The following KCNIP4 variants were observed in gnomAD, a reference collection of about 807,000 sequenced individuals.
The protein encoded by KCNIP4 is Kv channel-interacting protein 4.
A neutral mutation model predicts 34.0 loss-of-function variants in KCNIP4; 12 were observed. The ratio of observed to expected loss-of-function variants is 0.35; its 90% CI spans 0.23 to 0.57. The LOEUF (loss-of-function observed/expected upper bound fraction) is 0.57, where lower values mean the gene tolerates loss of function less well. Ranked by LOEUF, KCNIP4 falls within the 20% of genes least tolerant of loss-of-function variation. The pLI is 0.83. For synonymous variants in KCNIP4, 124 were observed against 102.2 expected (o/e 1.21, Z -1.29); for missense variants, 238 against 311.7 (o/e 0.76, Z 1.78).
intron 3 of KCNIP4, among the ~76,000 whole-genome samples, chr4:20,835,483 G>A (rs1423502322): frequency 6.6e-6 from 1 of 151,936 alleles, no homozygotes; most frequent in Non-Finnish European, 1.5e-5. Context: ...ATTTCGTAGG[G>A]CTGCTAAGAG....
chr4:21,810,848 C>G (rs1304764699), intron 1 of KCNIP4, among the ~76,000 whole-genome samples: 1 of 151,998 alleles, frequency 6.6e-6, no homozygotes, highest in African/African-American at 2.4e-5. Context: ...ACATCAAACA[C>G]CAAAGACAAA....
chr4:20,898,261 C>T (rs190943663), intron 1 of KCNIP4, among the ~76,000 whole-genome samples: 19 of 152,202 alleles, frequency 1.2e-4, no homozygotes, highest in Non-Finnish European at 2.1e-4. Context: ...TTTTGGTCTT[C>T]GTAATCATGT....
intron 1 of KCNIP4, among the ~76,000 whole-genome samples, chr4:21,168,612 T>C (rs1753801211): frequency 6.6e-6 from 1 of 152,112 alleles, no homozygotes; most frequent in Non-Finnish European, 1.5e-5. Flanking sequence ...ATTTCCAAAA[T>C]TTTCAGAAAA....
At chr4:20,761,032 TAAGTA>T (rs1754915658) in intron 3 of KCNIP4, among the ~76,000 whole-genome samples, 2 of 152,178 alleles carry the variant, frequency 1.3e-5, no homozygotes, top group Non-Finnish European at 2.9e-5. Context: ...TGGTAGACTT[TAAGTA>T]AAGCAGATTG....
At chr4:21,664,244 C>T (rs764225306) in intron 1 of KCNIP4, among the ~76,000 whole-genome samples, 15 of 152,096 alleles carry the variant, frequency 9.9e-5, no homozygotes, top group African/African-American at 2.2e-4. Flanking sequence ...CCACCACACC[C>T]GACAGGTCTT....
intron 1 of KCNIP4, among the ~76,000 whole-genome samples, chr4:21,743,488 T>C (rs904685174): frequency 3.3e-5 from 5 of 151,768 alleles, no homozygotes; most frequent in African/African-American, 1.2e-4. Flanking sequence ...CAAGGATCCA[T>C]AACTTAATTA....
chr4:20,731,731 A>G, intron 8 of KCNIP4: 2 of 985,382 alleles, frequency 2.0e-6, no homozygotes, highest in Non-Finnish European at 2.4e-6. Context: ...ATCCTCCATG[A>G]ATACTCTCTA....
At chr4:21,264,393 T>C (rs1761666107) in intron 1 of KCNIP4, among the ~76,000 whole-genome samples, 1 of 152,158 alleles carries the variant, frequency 6.6e-6, no homozygotes, top group African/African-American at 2.4e-5. Context: ...GAAAGGGTCC[T>C]TACAACACTG....
chr4:21,187,679 T>G (rs1261996830), intron 1 of KCNIP4, among the ~76,000 whole-genome samples: 1 of 151,868 alleles, frequency 6.6e-6, no homozygotes, highest in African/African-American at 2.4e-5. Context: ...GCATTTAGAT[T>G]CTCCTTACTA....
intron 1 of KCNIP4, among the ~76,000 whole-genome samples, chr4:20,987,724 G>T (rs189639423): frequency 5.8e-4 from 88 of 152,096 alleles, no homozygotes; most frequent in Non-Finnish European, 1.2e-3. Context: ...TATTGGCCGG[G>T]CGCGGTGGCT....
At chr4:21,480,780 C>T (rs1221934015) in intron 1 of KCNIP4, among the ~76,000 whole-genome samples, 2 of 151,978 alleles carry the variant, frequency 1.3e-5, no homozygotes, top group African/African-American at 4.8e-5. Flanking sequence ...AAAAGAAAAC[C>T]TAAATAAATG....
intron 1 of KCNIP4, among the ~76,000 whole-genome samples, chr4:21,670,818 G>A (rs1208706650): frequency 1.3e-5 from 2 of 151,984 alleles, no homozygotes; most frequent in African/African-American, 2.4e-5. Context: ...ACCACGCCCG[G>A]CTTATTTTTT....
chr4:21,948,015 A>T (rs929583497), intron 1 of KCNIP4, among the ~76,000 whole-genome samples: 2 of 152,240 alleles, frequency 1.3e-5, no homozygotes, highest in African/African-American at 4.8e-5. Context: ...GTCACTGAGG[A>T]CCATTTTCTC....
At position 21,582,797 on chromosome 4, in the gene KCNIP4, G is replaced by T. The variant is rs536659174; in HGVS notation, c.61+365774C>A. Among the ~76,000 whole-genome samples the T allele has an allele frequency of 7.9e-5, 12 of 151,926 alleles. No individual in the cohort carries two copies. The South Asian group carries it at 2.5e-3, about 32-fold the overall frequency. ...CAAACAGGACATCTGGAATGAAAAT[G>T]CACCCTCCTGAGATAACTAGGAAGT... On this transcript the variant is annotated intron_variant, in intron 1 of 8. Coordinates refer to ENST00000382152, the MANE Select transcript of KCNIP4 (RefSeq NM_025221.6).
intron 1 of KCNIP4, among the ~76,000 whole-genome samples, chr4:21,773,745 G>GTTTTGTTTT (rs1718971393): frequency 8.7e-6 from 1 of 115,422 alleles, no homozygotes; most frequent in African/African-American, 5.4e-5. Flanking sequence ...TTTTTTTGTT[G>GTTTTGTTTT]TTTTTTTTTT....
At chr4:21,124,745 C>T (rs1164170131) in intron 1 of KCNIP4, among the ~76,000 whole-genome samples, 1 of 152,114 alleles carries the variant, frequency 6.6e-6, no homozygotes, top group Non-Finnish European at 1.5e-5. Context: ...CTCACCTTGA[C>T]AGTGCAGCTG....
At chr4:20,917,978 A>T (rs1312974925) in intron 1 of KCNIP4, among the ~76,000 whole-genome samples, 1 of 152,152 alleles carries the variant, frequency 6.6e-6, no homozygotes, top group Non-Finnish European at 1.5e-5. Flanking sequence ...TTTTGCAGGT[A>T]AGACCTTTTC....
intron 1 of KCNIP4, among the ~76,000 whole-genome samples, chr4:21,474,999 T>C (rs1560441696): frequency 1.1e-5 from 1 of 89,250 alleles, no homozygotes; most frequent in African/African-American, 4.2e-5. Context: ...AGACTCCATC[T>C]CGAAAAACAA....
In KCNIP4 at chr4:21,697,551, G is replaced by A. The variant is rs139891575; in HGVS notation, c.61+251020C>T. Reference sequence around the variant, plus strand: ...AAACTTCTGTCTCAGTTTATGCACAGGCTGCCTTACAACTCCTGTGGAATT... The same window carrying A: ...AAACTTCTGTCTCAGTTTATGCACAAGCTGCCTTACAACTCCTGTGGAATT... On this transcript the variant is annotated intron_variant, in intron 1 of 8. Coordinates refer to ENST00000382152, the MANE Select transcript of KCNIP4 (RefSeq NM_025221.6). 3.2e-4 allele frequency: 462 copies of A among 1,428,188 alleles called. 1 individual carries two copies. The African/African-American group carries it at 6.4e-3, about 20-fold the overall frequency. The allele number at this position is 1,428,188 out of a possible 1,614,324, so 88.5% of individuals were successfully genotyped here.
Sources: gnomAD v4.1 joint callset for allele counts (sites outside exome capture counted in the v4.1 genomes callset) on GRCh38, gnomAD v4.1.1 for gene constraint, MANE v1.5 for transcripts, NCBI Gene and HGNC (gene_info 2026-07-23, HGNC 2026-07-21) for gene names.